The following MIPOL1 variants were observed in gnomAD, a reference collection of about 807,000 sequenced individuals.
The protein encoded by MIPOL1 is mirror-image polydactyly 1.
MIPOL1 carries 57 observed loss-of-function variants against 60.9 expected under a neutral mutation model. The observed-to-expected ratio is 0.94, with a 90% CI of 0.76 to 1.17. MIPOL1 has a LOEUF of 1.17. Among genes scored for constraint, MIPOL1 ranks in the 50% most tolerant of loss-of-function variants. MIPOL1 has a pLI of 0.00. For missense variants in MIPOL1, 551 were observed against 511.6 expected, an observed-to-expected ratio of 1.08 and a Z score of -0.74; for synonymous variants, 179 against 168.8, an observed-to-expected ratio of 1.06 and a Z score of -0.47.
chr14:37,537,229 T>C (rs1404053968), intron 12 of MIPOL1, among the ~76,000 whole-genome samples: 3 of 152,116 alleles, frequency 2.0e-5, no homozygotes, highest in African/African-American at 7.2e-5. Context: ...AATATGAAGA[T>C]TAACAAAGAG....
At chr14:37,336,415 T>C (rs2090124362) in intron 9 of MIPOL1, among the ~76,000 whole-genome samples, 1 of 149,910 alleles carries the variant, frequency 6.7e-6, no homozygotes, top group Non-Finnish European at 1.5e-5. Context: ...TATAATGCCC[T>C]CTTTGTCTCT....
intron 7 of MIPOL1, among the ~76,000 whole-genome samples, chr14:37,293,688 T>C (rs2153420238): frequency 6.6e-6 from 1 of 152,256 alleles, no homozygotes; most frequent in South Asian, 2.1e-4. Context: ...GAGGGTCCTA[T>C]GCCCACGGAG....
intron 1 of MIPOL1, among the ~76,000 whole-genome samples, chr14:37,209,007 A>G (rs1460262641): frequency 3.9e-5 from 6 of 152,222 alleles, no homozygotes; most frequent in Non-Finnish European, 1.5e-5. Context: ...AAATTTGAAT[A>G]AGTTGAATAA....
At chr14:37,351,271 G>A (rs2091345777) in intron 9 of MIPOL1, among the ~76,000 whole-genome samples, 1 of 145,214 alleles carries the variant, frequency 6.9e-6, no homozygotes, top group Non-Finnish European at 1.5e-5. Context: ...GTATTCCATG[G>A]TGTATATGTG....
intron 11 of MIPOL1, among the ~76,000 whole-genome samples, chr14:37,464,025 CAGAAGA>C (rs1594498855): frequency 6.6e-6 from 1 of 152,138 alleles, no homozygotes; most frequent in Admixed American, 6.5e-5. Context: ...AATCACTAAA[CAGAAGA>C]AGAACGCAAA....
intron 1 of MIPOL1, among the ~76,000 whole-genome samples, chr14:37,202,263 TCTTA>T: frequency 6.6e-6 from 1 of 152,292 alleles, no homozygotes; most frequent in South Asian, 2.1e-4. Flanking sequence ...TTTTTTTTAG[TCTTA>T]CTTGATTGTT....
chr14:37,279,007 A>G (rs1261539583), intron 6 of MIPOL1: 1 of 151,708 alleles, frequency 6.6e-6, no homozygotes, highest in Non-Finnish European at 1.5e-5. Context: ...ATTATAGGAT[A>G]TTTGATAACC....
intron 6 of MIPOL1, among the ~76,000 whole-genome samples, chr14:37,281,379 A>G (rs2153405339): frequency 6.6e-6 from 1 of 152,042 alleles, no homozygotes; most frequent in East Asian, 1.9e-4. Context: ...TTTTTATGAC[A>G]ATACCATGCT....
In MIPOL1 at chr14:37,267,202, T is replaced by C. The variant is rs558255473; in HGVS notation, c.251+33T>C. The C allele has an allele frequency of 5.0e-4, 781 of 1,555,234 alleles. 6 individuals are homozygous for C. In the South Asian group the frequency reaches 8.2e-3, roughly 16 times the overall value. On this transcript the variant is annotated intron_variant, in intron 4 of 12. Transcript: ENST00000684589. Reference sequence around the variant, plus strand: ...CTCACAGCCTTAGATTTAGAAGGAATTGGGGCCAGGCGTGGTGGCTCATGC... The same window carrying C: ...CTCACAGCCTTAGATTTAGAAGGAACTGGGGCCAGGCGTGGTGGCTCATGC...
chr14:37,409,593 C>T (rs1418147129), intron 10 of MIPOL1, among the ~76,000 whole-genome samples: 3 of 152,112 alleles, frequency 2.0e-5, no homozygotes, highest in Non-Finnish European at 4.4e-5. Flanking sequence ...CAAGACCATT[C>T]TGGCCAACAT....
At chr14:37,318,417 A>G (rs2088171198) in intron 9 of MIPOL1, among the ~76,000 whole-genome samples, 1 of 152,216 alleles carries the variant, frequency 6.6e-6, no homozygotes, top group Non-Finnish European at 1.5e-5. Flanking sequence ...CATATTTGAT[A>G]TTCTTAATTA....
At chr14:37,455,634 ACTCT>A (rs1243081028) in intron 11 of MIPOL1, among the ~76,000 whole-genome samples, 1 of 150,454 alleles carries the variant, frequency 6.6e-6, no homozygotes, top group Non-Finnish European at 1.5e-5. Context: ...ACTTACTGCC[ACTCT>A]CCCCTCTCAT....
intron 7 of MIPOL1, 120 bp from the exon 8 acceptor site, chr14:37,307,936 G>A (rs906267364): frequency 1.3e-6 from 1 of 769,858 alleles, no homozygotes; most frequent in South Asian, 1.7e-5. Context: ...CAGTGTCATG[G>A]TTGACTCTAA....
chr14:37,416,465 G>T (rs2093771231), intron 10 of MIPOL1, among the ~76,000 whole-genome samples: 2 of 152,030 alleles, frequency 1.3e-5, no homozygotes, highest in African/African-American at 4.8e-5. Context: ...GTAGCCTATT[G>T]CTCCTAGGCT....
chr14:37,457,055 A>G (rs2094484435), intron 11 of MIPOL1, among the ~76,000 whole-genome samples: 1 of 152,182 alleles, frequency 6.6e-6, no homozygotes, highest in South Asian at 2.1e-4. Context: ...AGAGCTATAC[A>G]TAATGTAAAA....
intron 1 of MIPOL1, among the ~76,000 whole-genome samples, chr14:37,223,172 A>G (rs1168498985): frequency 6.6e-6 from 1 of 151,880 alleles, no homozygotes; most frequent in African/African-American, 2.4e-5. Flanking sequence ...AGCTGGGATT[A>G]CAAGCATGCG....
At chr14:37,359,126 C>T (rs1015155907) in intron 9 of MIPOL1, among the ~76,000 whole-genome samples, 2 of 152,144 alleles carry the variant, frequency 1.3e-5, no homozygotes, top group African/African-American at 4.8e-5. Flanking sequence ...TCAGGTTTGT[C>T]GAAGACCAAA....
chr14:37,439,212 G>C (rs2094206043), intron 11 of MIPOL1, among the ~76,000 whole-genome samples: 2 of 152,178 alleles, frequency 1.3e-5, no homozygotes. Context: ...AGAAGGGAGA[G>C]ATTCTTCTAA....
At chr14:37,296,102 A>G (rs1020551160) in intron 7 of MIPOL1, among the ~76,000 whole-genome samples, 6 of 152,126 alleles carry the variant, frequency 3.9e-5, no homozygotes, top group Non-Finnish European at 5.9e-5. Context: ...ATAACAAACT[A>G]TCTCTCAGAC....
Sources: allele counts gnomAD v4.1 joint callset (sites outside exome capture counted in the v4.1 genomes callset), GRCh38; gene constraint gnomAD v4.1.1; transcripts MANE v1.5; gene names NCBI Gene and HGNC (gene_info 2026-07-23, HGNC 2026-07-21).